F13A1: variants seen among roughly 807,000 people sequenced by gnomAD.
F13A1 encodes FSF, A subunit.
Under a neutral mutation model 80.1 loss-of-function variants are expected in F13A1, and 47 were observed. The observed-to-expected ratio is 0.59, with a 90% confidence interval of 0.46 to 0.75. The LOEUF is 0.75. Among genes scored for constraint, F13A1 ranks in the 30% least tolerant of loss-of-function variants. The probability of loss-of-function intolerance (pLI) is 0.00; values close to 1 mark genes in which losing one functional copy is unlikely to be tolerated. For synonymous variants in F13A1, 349 were observed against 344.9 expected (o/e 1.01, Z -0.13); for missense variants, 817 against 930.4 (o/e 0.88, Z 1.59).
chr6:6,282,270 C>T (rs1056891897), intron 3 of F13A1, among the ~76,000 whole-genome samples: 3 of 152,040 alleles, frequency 2.0e-5, no homozygotes, highest in African/African-American at 4.8e-5. Context: ...AAACTCAAAA[C>T]GGGCCTGAAA....
At chr6:6,311,826 T>C (rs1215357498) in intron 2 of F13A1, among the ~76,000 whole-genome samples, 1 of 130,664 alleles carries the variant, frequency 7.7e-6, no homozygotes, top group Non-Finnish European at 1.6e-5. Context: ...ATAATAGATA[T>C]AAGCAAACTA....
At chr6:6,294,543 T>C (rs9504745) in intron 3 of F13A1, among the ~76,000 whole-genome samples, 11,626 of 136,504 alleles carry the variant, frequency 0.085, 509 homozygotes, top group African/African-American at 0.17. Context: ...CACACACACA[T>C]ATATATATAT....
At chr6:6,185,570 C>T (rs1261915313) in intron 10 of F13A1, among the ~76,000 whole-genome samples, 3 of 151,828 alleles carry the variant, frequency 2.0e-5, no homozygotes, top group African/African-American at 4.8e-5. Context: ...TTTATGGCTG[C>T]GTAGTATTCC....
At chr6:6,241,602 G>C (rs1757484146) in intron 6 of F13A1, among the ~76,000 whole-genome samples, 1 of 152,144 alleles carries the variant, frequency 6.6e-6, no homozygotes, top group South Asian at 2.1e-4. Flanking sequence ...TTGAGCACCT[G>C]GGTCCTCAGA....
chr6:6,168,542 C>T (rs372392135), intron 12 of F13A1, among the ~76,000 whole-genome samples: 26 of 152,196 alleles, frequency 1.7e-4, no homozygotes, highest in East Asian at 7.7e-4. Flanking sequence ...TGGCAGACTC[C>T]GCAGGTGAAT....
chr6:6,224,643 G>A lies in F13A1; in HGVS notation c.973+43C>T, dbSNP rs778022745. 2.3e-5 allele frequency: 36 copies of A among 1,579,800 alleles called. No individual in the cohort carries two copies. In the South Asian group the frequency reaches 4.0e-4, roughly 18 times the overall value. ...TATAGAAAAAATGTCTTAGAGTGAA[G>A]TTTCCTTTATATTAAAAAGAAATTA... On this transcript the variant is annotated intron_variant, in intron 7 of 14. Transcript: ENST00000264870.
chr6:6,178,127 G>C (rs1248464452), intron 11 of F13A1, among the ~76,000 whole-genome samples: 2 of 152,020 alleles, frequency 1.3e-5, no homozygotes, highest in Non-Finnish European at 2.9e-5. Context: ...GCAAGGCAGG[G>C]GCTAGACTGA....
At chr6:6,299,099 G>T (rs1413792018) in intron 3 of F13A1, among the ~76,000 whole-genome samples, 2 of 143,638 alleles carry the variant, frequency 1.4e-5, no homozygotes, top group Non-Finnish European at 3.0e-5. Flanking sequence ...TGGCTTGTAG[G>T]GTTTCTGCCG....
chr6:6,204,595 G>A (rs1583070281), intron 8 of F13A1, among the ~76,000 whole-genome samples: 1 of 152,186 alleles, frequency 6.6e-6, no homozygotes. Context: ...CAGGGGCAGT[G>A]GGGATAGGAT....
chr6:6,173,288 T>C (rs1345223236), intron 12 of F13A1, among the ~76,000 whole-genome samples: 1 of 152,102 alleles, frequency 6.6e-6, no homozygotes, highest in Admixed American at 6.5e-5. Flanking sequence ...GTGATGAAAA[T>C]GCTTGGAAGG....
At chr6:6,280,989 C>A (rs1349103888) in intron 3 of F13A1, among the ~76,000 whole-genome samples, 3 of 152,116 alleles carry the variant, frequency 2.0e-5, no homozygotes, top group African/African-American at 7.2e-5. Context: ...GCTGGAGAAT[C>A]CTCACTTTGG....
intron 10 of F13A1, among the ~76,000 whole-genome samples, chr6:6,190,506 G>C (rs1315513724): frequency 6.7e-6 from 1 of 150,266 alleles, no homozygotes; most frequent in Non-Finnish European, 1.5e-5. Flanking sequence ...GTGTTCCCCT[G>C]CTGGGGGGTG....
chr6:6,197,210 G>GTAAA lies in F13A1; in HGVS notation c.1216+12_1216+13insTTTA. 1 of 1,611,854 alleles carries GTAAA rather than the reference G, an allele frequency of 6.2e-7. No homozygotes were observed. The highest frequency in any genetic ancestry group is 8.5e-7 in the Non-Finnish European group (1 of 1,178,032). ...CAATGAAGCAAGTTCCCAGAGGGAG[G>GTAAA]ACACAGTTTTACCATCGCTATTTTC... On this transcript the variant is annotated intron_variant, in intron 9 of 14. Transcript: ENST00000264870.
intron 2 of F13A1, among the ~76,000 whole-genome samples, chr6:6,307,629 G>A (rs1758532220): frequency 6.6e-6 from 1 of 152,216 alleles, no homozygotes; most frequent in East Asian, 1.9e-4. Context: ...AGCACCAATG[G>A]AAGGAATATA....
intron 8 of F13A1, among the ~76,000 whole-genome samples, chr6:6,220,955 C>A (rs935060548): frequency 6.6e-6 from 1 of 152,180 alleles, no homozygotes; most frequent in Non-Finnish European, 1.5e-5. Context: ...CAACTGTGAT[C>A]CATTCCTGTA....
At chr6:6,221,368 C>T (rs933665017) in intron 8 of F13A1, among the ~76,000 whole-genome samples, 4 of 152,122 alleles carry the variant, frequency 2.6e-5, no homozygotes, top group African/African-American at 9.7e-5. Flanking sequence ...CAGCTTTACT[C>T]CCATTTCTAT....
chr6:6,161,678 G>A (rs958302507), intron 13 of F13A1, among the ~76,000 whole-genome samples: 4 of 152,060 alleles, frequency 2.6e-5, no homozygotes, highest in East Asian at 1.9e-4. Flanking sequence ...GGAAAGAGAC[G>A]TGTGCTCATT....
intron 10 of F13A1, among the ~76,000 whole-genome samples, chr6:6,192,376 CT>C (rs1449540510): frequency 6.6e-6 from 1 of 152,030 alleles, no homozygotes; most frequent in African/African-American, 2.4e-5. Flanking sequence ...TAGGAGGTAA[CT>C]TTATGGAGCT....
At chr6:6,291,956 C>T (rs992145889) in intron 3 of F13A1, among the ~76,000 whole-genome samples, 3 of 152,218 alleles carry the variant, frequency 2.0e-5, no homozygotes, top group Admixed American at 6.5e-5. Context: ...CAAACAGAAG[C>T]ATATTCATAC....
Sources: gnomAD v4.1 joint callset for allele counts (sites outside exome capture counted in the v4.1 genomes callset) on GRCh38, gnomAD v4.1.1 for gene constraint, MANE v1.5 for transcripts, NCBI Gene and HGNC (gene_info 2026-07-23, HGNC 2026-07-21) for gene names.